Variants in MFAP1 observed in about 807,000 individuals in gnomAD.
MFAP1 encodes the protein microfibril associated protein 1, also known as microfibrillar-associated protein 1.
A neutral mutation model predicts 62.2 loss-of-function variants in MFAP1; 18 were observed. That is an observed-to-expected ratio of 0.29 (90% CI 0.20 to 0.43). The LOEUF (loss-of-function observed/expected upper bound fraction) is 0.43, where lower values mean the gene tolerates loss of function less well. Ranked by LOEUF, MFAP1 falls within the 20% of genes least tolerant of loss-of-function variation. MFAP1 has a pLI of 1.00. For synonymous variants in MFAP1, 175 were observed against 180.4 expected, an observed-to-expected ratio of 0.97 and a Z score of 0.24; for missense variants, 355 against 559.7, an observed-to-expected ratio of 0.63 and a Z score of 3.69.
Position 43,814,707 on chromosome 15 carries a change from A to G in MFAP1, c.430-19T>C. The G allele has an allele frequency of 6.2e-7, 1 of 1,611,134 alleles. No individual in the cohort carries two copies. ...CTATTTCCTATCAAGTCATATATAT[A>G]AGCCAGTCAGTCAAATGGCCTATGG... On this transcript the variant is annotated intron_variant, in intron 3 of 8. Transcript: ENST00000267812.
At position 43,809,923 on chromosome 15, in the gene MFAP1, G is replaced by A; in HGVS notation, c.888-9C>T. On this transcript the variant is annotated splice_polypyrimidine_tract_variant and intron_variant, in intron 6 of 8. Transcript: ENST00000267812. The stretch of plus-strand genomic sequence containing the variant: ...CTTTCTCCTTCTCAAGCCTGTCCAG[G>A]GAGCAAAACAATTTATTGGTACTGT... 1 of 1,613,652 alleles carries A rather than the reference G, an allele frequency of 6.2e-7. No homozygotes were observed. The highest frequency in any genetic ancestry group is 8.5e-7 in the Non-Finnish European group (1 of 1,179,802).
chr15:43,805,232 A>G lies in MFAP1; in HGVS notation c.1182T>C (p.Leu394=), dbSNP rs1471479148. The change falls in exon 9 of 9, where the codon CTT becomes CTC. Residue 394 remains leucine, a synonymous_variant. Coordinates refer to ENST00000267812, the MANE Select transcript of MFAP1 (RefSeq NM_005926.3). ...GRSGRTKYTH[L]VDQDTTSFDS... ...CAAAGGAGGTGGTATCTTGATCCAC[A>G]AGGTGAGTGTATTTGGTGCGACCTG... 1.9e-6 allele frequency: 3 copies of G among 1,599,674 alleles called. No individual in the cohort carries two copies. The highest frequency in any genetic ancestry group is 1.7e-6 in the Non-Finnish European group (2 of 1,167,846).
intron 2 of MFAP1, 120 bp downstream of exon 2, chr15:43,817,109 T>A (rs2087438438): frequency 2.0e-6 from 2 of 1,001,686 alleles, no homozygotes; most frequent in Non-Finnish European, 3.0e-6. Flanking sequence ...AAAGTTATTG[T>A]ATGGATTACA....
intron 7 of MFAP1, among the ~76,000 whole-genome samples, chr15:43,807,022 C>A (rs966190835): frequency 6.6e-6 from 1 of 152,030 alleles, no homozygotes; most frequent in African/African-American, 2.4e-5. Context: ...CTGGTCTCCA[C>A]CTGGAATGTC....
Position 43,805,251 on chromosome 15 carries a change from C to T in MFAP1, c.1163G>A (p.Arg388His). ...MQVKNFGRSG[R>H]TKYTHLVDQD... ...ATCCACAAGGTGAGTGTATTTGGTG[C>T]GACCTGAGCGTCCAAAGTTCTTGAC... Residue 388 changes from arginine (R) to histidine (H), a missense_variant, in exon 9 of 9, where the codon CGC (arginine) becomes CAC (histidine). Transcript: ENST00000267812. 2.5e-6 allele frequency: 4 copies of T among 1,596,002 alleles called. No homozygotes were observed. The highest frequency in any genetic ancestry group is 1.1e-5 in the South Asian group (1 of 90,288).
rs746455594 is a variant in MFAP1, at chr15:43,812,998, T to C, written c.876A>G (p.Glu292=). The C allele has an allele frequency of 6.2e-7, 1 of 1,614,030 alleles. No homozygotes were observed. Among genetic ancestry groups the C allele is most frequent in the East Asian group, 2.2e-5 (1 of 44,890 alleles). The change falls in exon 6 of 9, where the codon GAA becomes GAG. Residue 292 remains glutamate, a synonymous_variant. Transcript: ENST00000267812. ...ATCTTTTTACTCACGCTTCTCGATC[T>C]TCTCTGTCCCTCTTGATTCTTTTTA... ...RELKRIKRDR[E]DREALEKEKA... is the part of the protein sequence containing the mutation.
intron 6 of MFAP1, among the ~76,000 whole-genome samples, chr15:43,812,346 G>C (rs1361316469): frequency 6.6e-6 from 1 of 152,168 alleles, no homozygotes; most frequent in Non-Finnish European, 1.5e-5. Context: ...CTTAAAGCTA[G>C]GTTGGCCTTG....
intron 6 of MFAP1, among the ~76,000 whole-genome samples, chr15:43,810,284 G>A (rs2087390753): frequency 6.7e-6 from 1 of 149,154 alleles, no homozygotes; most frequent in Admixed American, 6.7e-5. Context: ...ATTCCTTTAT[G>A]TAAGTGTATC....
chr15:43,823,136 C>A (rs937192453), intron 1 of MFAP1, among the ~76,000 whole-genome samples: 4 of 151,468 alleles, frequency 2.6e-5, no homozygotes, highest in Non-Finnish European at 4.4e-5. Flanking sequence ...CGCGCCGGGC[C>A]CTAATTTTTA....
At chr15:43,819,792 T>TA (rs910325437) in intron 1 of MFAP1, among the ~76,000 whole-genome samples, 2 of 152,160 alleles carry the variant, frequency 1.3e-5, no homozygotes, top group Non-Finnish European at 2.9e-5. Context: ...CTCAGTATCA[T>TA]AAAGTGCTGG....
chr15:43,814,905 T>G, intron 3 of MFAP1, 40 bp downstream of exon 3: 2 of 1,609,468 alleles, frequency 1.2e-6, no homozygotes, highest in Admixed American at 1.7e-5. Flanking sequence ...GAACTTTTTC[T>G]TATATCCAGA....
At chr15:43,817,094 T>C (rs1390095958) in intron 2 of MFAP1, 135 bp downstream of exon 2, 1 of 908,424 alleles carries the variant, frequency 1.1e-6, no homozygotes, top group Non-Finnish European at 1.7e-6. Context: ...TAGCACCTAT[T>C]TCATAAAGTT....
intron 1 of MFAP1, 86 bp downstream of exon 1, chr15:43,824,405 G>T: frequency 7.6e-7 from 1 of 1,322,216 alleles, no homozygotes; most frequent in Middle Eastern, 1.9e-4. Flanking sequence ...TGGCGGGGTT[G>T]GAGTGGTCTG....
intron 1 of MFAP1, among the ~76,000 whole-genome samples, chr15:43,823,362 A>G (rs2087478698): frequency 6.6e-6 from 1 of 151,884 alleles, no homozygotes; most frequent in Non-Finnish European, 1.5e-5. Flanking sequence ...TGGCTAGAGA[A>G]TGACAATTGC....
chr15:43,809,560 G>T (rs2087386510), intron 7 of MFAP1, among the ~76,000 whole-genome samples, 195 bp downstream of exon 7: 1 of 151,790 alleles, frequency 6.6e-6, no homozygotes, highest in African/African-American at 2.4e-5. Flanking sequence ...AGAGAGAACA[G>T]TTGATGCTAC....
chr15:43,807,285 A>G (rs1255238662), intron 7 of MFAP1, among the ~76,000 whole-genome samples: 1 of 150,820 alleles, frequency 6.6e-6, no homozygotes, highest in Non-Finnish European at 1.5e-5. Context: ...CGGGAGGCGG[A>G]GGTTGCAGTG....
chr15:43,818,749 T>C (rs2087450170), intron 1 of MFAP1, among the ~76,000 whole-genome samples: 1 of 151,444 alleles, frequency 6.6e-6, no homozygotes, highest in African/African-American at 2.4e-5. Context: ...TACCCGGACA[T>C]AGTGGTATAT....
At chr15:43,811,077 C>T (rs1287350126) in intron 6 of MFAP1, among the ~76,000 whole-genome samples, 3 of 150,076 alleles carry the variant, frequency 2.0e-5, no homozygotes, top group Non-Finnish European at 4.4e-5. Context: ...TTAAAGGGCA[C>T]TTAGACTCCT....
intron 1 of MFAP1, among the ~76,000 whole-genome samples, chr15:43,818,261 C>T (rs1352103458): frequency 6.6e-6 from 1 of 151,888 alleles, no homozygotes; most frequent in Admixed American, 6.6e-5. Context: ...CCTCATGATC[C>T]GCCCACCTCA....
Sources: gnomAD v4.1 joint callset for allele counts (sites outside exome capture counted in the v4.1 genomes callset) on GRCh38, gnomAD v4.1.1 for gene constraint, MANE v1.5 for transcripts, NCBI Gene and HGNC (gene_info 2026-07-23, HGNC 2026-07-21) for gene names.